Variants in OR2AG2 observed in about 807,000 individuals in gnomAD.
The protein encoded by OR2AG2 is olfactory receptor family 2 subfamily AG member 2.
For synonymous variants in OR2AG2, 167 were observed against 157.1 expected, an observed-to-expected ratio of 1.06 and a Z score of -0.47; for missense variants, 390 against 391.9, an observed-to-expected ratio of 1.00 and a Z score of 0.04.
chr11:6,768,006 C>G lies in OR2AG2; in HGVS notation c.*1G>C. ...GGTGAGAGGCAAGCCATGATCCTTC[C>G]CTAGAGCGTGGAATGTGCCAGCAGT... On this transcript the variant is annotated 3_prime_UTR_variant, in exon 2 of 2. Coordinates refer to ENST00000641124, the MANE Select transcript of OR2AG2 (RefSeq NM_001004490.2). The G allele has an allele frequency of 6.2e-7, 1 of 1,606,254 alleles. No individual in the cohort carries two copies.
rs776617338 is a variant in OR2AG2 at position 6,768,101 on chromosome 11, T to G, written c.857A>C (p.Asn286Thr). The G allele has an allele frequency of 6.2e-7, 1 of 1,614,046 alleles. No individual in the cohort carries two copies. The highest frequency in any genetic ancestry group is 1.1e-5 in the South Asian group (1 of 91,070). The change falls in exon 2 of 2, where the codon AAT becomes ACT. Residue 286 changes from asparagine (N) to threonine (T), a missense_variant. Asn to Thr is a moderately conservative substitution (Grantham distance 65). Transcript: ENST00000641124. ...ATTCCTCAGGCTGTAGATGAGTGGA[T>G]TCAGGGCTGGAGTGACAATTGTGTA... ...VFYTIVTPAL[N>T]PLIYSLRNKE...
At position 6,767,692 on chromosome 11, in the gene OR2AG2, T is replaced by A; in HGVS notation, c.*315A>T. 1 of 310,720 alleles carries A rather than the reference T, an allele frequency of 3.2e-6. No individual in the cohort carries two copies. The allele number at this position is 310,720 out of a possible 1,614,324, so 19.2% of individuals were successfully genotyped here. ...AAAGCTAATCCCCTACCATGTCTACTTGGTAATGTGTCAGGACGATGCCTA... is the reference window on the plus strand; with the variant it reads ...AAAGCTAATCCCCTACCATGTCTACATGGTAATGTGTCAGGACGATGCCTA... On this transcript the variant is annotated 3_prime_UTR_variant, in exon 2 of 2. Transcript: ENST00000641124.
chr11:6,768,879 G>A lies in OR2AG2; in HGVS notation c.79C>T (p.Leu27Phe). 4 of 1,614,070 alleles carry A rather than the reference G, an allele frequency of 2.5e-6. No individual in the cohort carries two copies. Among genetic ancestry groups the A allele is most frequent in the Non-Finnish European group, 3.4e-6 (4 of 1,179,966 alleles). ...TATAGGATTGTAAATGTAGCATAGAGCAGTTCAGGAGACCCACTGTCATTC... is the reference window on the plus strand; with the variant it reads ...TATAGGATTGTAAATGTAGCATAGAACAGTTCAGGAGACCCACTGTCATTC... The part of the protein sequence containing the change: ...ILNDSGSPEL[L>F]YATFTILYML... Residue 27 changes from leucine to phenylalanine, a missense_variant, in exon 2 of 2, where the codon CTC becomes TTC. Transcript: ENST00000641124.
In OR2AG2 at chr11:6,768,642, T is replaced by A; in HGVS notation, c.316A>T (p.Thr106Ser). The change falls in exon 2 of 2, where the codon ACA becomes TCA. Residue 106 changes from threonine to serine, a missense_variant. Coordinates refer to ENST00000641124, the MANE Select transcript of OR2AG2 (RefSeq NM_001004490.2). ...GCALQMFLAL[T>S]MGSAEDLLLA... ...AGGAGGTCCTCAGCGCTACCCATTG[T>A]CAGTGCCAGGAACATCTGAAGTGCA... The A allele has an allele frequency of 6.2e-7, 1 of 1,614,196 alleles. No individual in the cohort carries two copies. The highest frequency in any genetic ancestry group is 8.5e-7 in the Non-Finnish European group (1 of 1,180,030).
In OR2AG2 at chr11:6,768,688, GTT is replaced by G; in HGVS notation, c.268_269del (p.Asn90HisfsTer19). 6.2e-7 allele frequency: 1 copy of G among 1,614,170 alleles called. No homozygotes were observed. Among genetic ancestry groups the G allele is most frequent in the Non-Finnish European group, 8.5e-7 (1 of 1,180,026 alleles). On this transcript the variant is annotated frameshift_variant, in exon 2 of 2. Coordinates refer to ENST00000641124, the MANE Select transcript of OR2AG2 (RefSeq NM_001004490.2). LOFTEE classifies it low-confidence loss of function (END_TRUNC). Reference protein sequence around the residue: ...KALADFLRRENTISFGGCALQ... With the variant: ...KALADFLRREXTISFGGCALQ... The stretch of plus-strand genomic sequence containing the variant: ...GTGCACAGCCTCCAAAGGAGATAGT[GTT>G]TTCTCTGCGCAGAAAGTCCGCAAGG...
At position 6,771,732 on chromosome 11, in the gene OR2AG2, GGATCAGA is replaced by G. The variant is rs1440163179; in HGVS notation, c.-655_-649del. 6.6e-6 allele frequency: 1 copy of G among 152,224 alleles called. No homozygotes were observed. Among genetic ancestry groups the G allele is most frequent in the Non-Finnish European group, 1.5e-5 (1 of 68,074 alleles). The allele number at this position is 152,224 out of a possible 1,614,324, so 9.4% of individuals were successfully genotyped here. On this transcript the variant is annotated 5_prime_UTR_variant, in exon 1 of 2. It removes the in-frame stop codon of an upstream open reading frame in the 5' UTR. Transcript: ENST00000641124. Reference sequence around the variant, plus strand: ...GTAGGTGTGTGTATGGCTGTCTCTAGGATCAGAGATCAAAGGCTCCTCCAGTCACTGG... The same window carrying G: ...GTAGGTGTGTGTATGGCTGTCTCTAGGATCAAAGGCTCCTCCAGTCACTGG...
Position 6,771,692 on chromosome 11 carries a change from C to G in OR2AG2, c.-608G>C, listed in dbSNP as rs1847449749. ...GCCAAAGAAAGAAAAGTTGCTTCTT[C>G]TGGCCAGGATGAATGTAGGTGTGTG... On this transcript the variant is annotated 5_prime_UTR_variant, in exon 1 of 2. Coordinates refer to ENST00000641124, the MANE Select transcript of OR2AG2 (RefSeq NM_001004490.2). 2 of 152,270 alleles carry G rather than the reference C, an allele frequency of 1.3e-5. No individual in the cohort carries two copies. Among genetic ancestry groups the G allele is most frequent in the Non-Finnish European group, 2.9e-5 (2 of 68,116 alleles). 9.4% of individuals were successfully genotyped at this position (152,270 alleles called of 1,614,324 possible).
intron 1 of OR2AG2, among the ~76,000 whole-genome samples, 173 bp from the exon 2 acceptor site, chr11:6,769,667 G>C (rs1041018688): frequency 5.3e-5 from 8 of 152,224 alleles, no homozygotes; most frequent in Non-Finnish European, 8.8e-5. Flanking sequence ...GCAGGTGTTT[G>C]TGTTTAGGGC....
At position 6,769,175 on chromosome 11, in the gene OR2AG2, T is replaced by TACTATAACATGG. The variant is rs1847418319; in HGVS notation, c.-219_-218insCCATGTTATAGT. ...ACTGGTATCAGGTATTTTGACATGT[T>TACTATAACATGG]GTTAATAGTAATCATTTAGAAATCC... On this transcript the variant is annotated 5_prime_UTR_variant, in exon 2 of 2. In the 5' UTR this introduces an upstream ATG that the reference lacks. Transcript: ENST00000641124. 2.0e-6 allele frequency: 1 copy of TACTATAACATGG among 498,908 alleles called. No individual in the cohort carries two copies. The highest frequency in any genetic ancestry group is 3.5e-6 in the Non-Finnish European group (1 of 284,764). The allele number at this position is 498,908 out of a possible 1,614,324, so 30.9% of individuals were successfully genotyped here. A position where few individuals can be genotyped will look rare whatever the true frequency, so the allele number is the denominator to read the frequency against.
At position 6,768,153 on chromosome 11, in the gene OR2AG2, TG is replaced by T. The variant is rs776839526; in HGVS notation, c.804del (p.Lys269AsnfsTer17). On this transcript the variant is annotated frameshift_variant, in exon 2 of 2. Transcript: ENST00000641124. LOFTEE classifies it low-confidence loss of function (END_TRUNC). ...AAAACAGAGATGATGTTGTCTTGTT[TG>T]GGGCTGTGGAAGGAACTGGGCAAGA... ...MYVLPSSFHS[P>X]KQDNIISVFY... is the part of the protein sequence containing the mutation. The T allele has an allele frequency of 8.1e-6, 13 of 1,614,068 alleles. No individual in the cohort carries two copies. The highest frequency in any genetic ancestry group is 1.1e-5 in the Non-Finnish European group (13 of 1,180,024).
Position 6,766,472 on chromosome 11 carries a change from T to C in OR2AG2, c.*1535A>G, listed in dbSNP as rs1161098864. The C allele has an allele frequency of 6.6e-6, 1 of 152,184 alleles. No homozygotes were observed. Among genetic ancestry groups the C allele is most frequent in the African/African-American group, 2.4e-5 (1 of 41,462 alleles). 9.4% of individuals were successfully genotyped at this position (152,184 alleles called of 1,614,324 possible). ...ATTTTTTTAATTTTCTCAGTTTTTA[T>C]AACAAAGTTGGATTAATTTTATAGA... On this transcript the variant is annotated 3_prime_UTR_variant, in exon 2 of 2. Transcript: ENST00000641124.
Position 6,768,919 on chromosome 11 carries a change from G to C in OR2AG2, c.39C>G (p.Ile13Met). The change falls in exon 2 of 2, where the codon ATC becomes ATG. Residue 13 changes from isoleucine to methionine, a missense_variant. Ile to Met is a conservative substitution (Grantham distance 10, BLOSUM62 1). Transcript: ENST00000641124. ...LRNSTLGSGF[I>M]LVGILNDSGS... ...CACTGTCATTCAGAATCCCCACCAAGATGAAGCCGCTTCCCAAGGTGGAGT... is the reference window on the plus strand; with the variant it reads ...CACTGTCATTCAGAATCCCCACCAACATGAAGCCGCTTCCCAAGGTGGAGT... 1 of 1,612,192 alleles carries C rather than the reference G, an allele frequency of 6.2e-7. No homozygotes were observed. Among genetic ancestry groups the C allele is most frequent in the East Asian group, 2.2e-5 (1 of 44,816 alleles).
chr11:6,768,022 T>C lies in OR2AG2; in HGVS notation c.936A>G (p.Ala312=), dbSNP rs1847394399. 6.2e-7 allele frequency: 1 copy of C among 1,612,870 alleles called. No individual in the cohort carries two copies. The highest frequency in any genetic ancestry group is 8.5e-7 in the Non-Finnish European group (1 of 1,179,250). The change falls in exon 2 of 2, where the codon GCA becomes GCG. Residue 312 remains alanine (A), a synonymous_variant. Coordinates refer to ENST00000641124, the MANE Select transcript of OR2AG2 (RefSeq NM_001004490.2). Reference sequence around the variant, plus strand: ...TGATCCTTCCCTAGAGCGTGGAATGTGCCAGCAGTATGTATTTTCCCAGGA... The same window carrying C: ...TGATCCTTCCCTAGAGCGTGGAATGCGCCAGCAGTATGTATTTTCCCAGGA... ...RRVLGKYILL[A]HSTL is the part of the protein sequence containing the mutation.
intron 1 of OR2AG2, among the ~76,000 whole-genome samples, chr11:6,770,774 G>A (rs1847439054): frequency 1.3e-5 from 2 of 152,176 alleles, no homozygotes; most frequent in Non-Finnish European, 2.9e-5. Context: ...AACATAATTA[G>A]CTGGGCACAT....
intron 1 of OR2AG2, among the ~76,000 whole-genome samples, chr11:6,770,256 A>T (rs1441871610): frequency 6.6e-6 from 1 of 152,146 alleles, no homozygotes; most frequent in Non-Finnish European, 1.5e-5. Context: ...ACATACATCC[A>T]GTGAAAAAAA....
Position 6,766,478 on chromosome 11 carries a change from A to G in OR2AG2, c.*1529T>C, listed in dbSNP as rs1847375786. On this transcript the variant is annotated 3_prime_UTR_variant, in exon 2 of 2. Transcript: ENST00000641124. ...TTAATTTTCTCAGTTTTTATAACAA[A>G]GTTGGATTAATTTTATAGATTAGCT... 6.6e-6 allele frequency: 1 copy of G among 152,138 alleles called. No individual in the cohort carries two copies. Among genetic ancestry groups the G allele is most frequent in the Admixed American group, 6.5e-5 (1 of 15,270 alleles). 9.4% of individuals were successfully genotyped at this position (152,138 alleles called of 1,614,324 possible).
Position 6,768,759 on chromosome 11 carries a change from A to T in OR2AG2, c.199T>A (p.Ser67Thr), listed in dbSNP as rs1198923885. ...MPMYLLLGQLSLMDLLFTSVV... is the reference protein window; with the variant it reads ...MPMYLLLGQLTLMDLLFTSVV... ...GATGTGAACAGGAGGTCCATGAGAG[A>T]GAGCTGCCCAAGCAGGAGGTACATG... Residue 67 changes from serine to threonine, a missense_variant, in exon 2 of 2, where the codon TCT becomes ACT. Physicochemically the swap from Ser to Thr is moderately conservative, Grantham distance 58. Transcript: ENST00000641124. The T allele has an allele frequency of 2.5e-6, 4 of 1,614,000 alleles. No homozygotes were observed. Among genetic ancestry groups the T allele is most frequent in the Non-Finnish European group, 3.4e-6 (4 of 1,180,018 alleles).
rs781381401 is a variant in OR2AG2, at chr11:6,768,546, G to A, written c.412C>T (p.Pro138Ser). 111 of 1,613,932 alleles carry A rather than the reference G, an allele frequency of 6.9e-5. No homozygotes were observed. Among genetic ancestry groups the A allele is most frequent in the Non-Finnish European group, 9.1e-5 (107 of 1,180,014 alleles). Residue 138 changes from proline to serine, a missense_variant, in exon 2 of 2, where the codon CCA becomes TCA. Pro to Ser is a moderately conservative substitution (Grantham distance 74). Coordinates refer to ENST00000641124, the MANE Select transcript of OR2AG2 (RefSeq NM_001004490.2). ...HPLKYMTLMS[P>S]RVCWIMVATS... ...GCCACCATGATCCAGCAGACTCTTGGGCTCATGAGGGTCATGTATTTCAGA... is the reference window on the plus strand; with the variant it reads ...GCCACCATGATCCAGCAGACTCTTGAGCTCATGAGGGTCATGTATTTCAGA...
At position 6,768,030 on chromosome 11, in the gene OR2AG2, G is replaced by A. The variant is rs760348212; in HGVS notation, c.928C>T (p.Leu310=). 5 of 1,613,564 alleles carry A rather than the reference G, an allele frequency of 3.1e-6. No individual in the cohort carries two copies. The highest frequency in any genetic ancestry group is 4.2e-6 in the Non-Finnish European group (5 of 1,179,646). ...CCCTAGAGCGTGGAATGTGCCAGCA[G>A]TATGTATTTTCCCAGGACCCTCCTC... The part of the protein sequence containing the change: ...ALRRVLGKYI[L]LAHSTL The change falls in exon 2 of 2, where the codon CTG becomes TTG. Residue 310 remains leucine, a synonymous_variant. Transcript: ENST00000641124.
Sources: gnomAD v4.1 joint callset for allele counts (sites outside exome capture counted in the v4.1 genomes callset) on GRCh38, gnomAD v4.1.1 for gene constraint, MANE v1.5 for transcripts, NCBI Gene and HGNC (gene_info 2026-07-23, HGNC 2026-07-21) for gene names.